The following MLYCD variants were observed in gnomAD, a reference collection of about 807,000 sequenced individuals.
MLYCD encodes the protein malonyl-CoA decarboxylase, mitochondrial.
A neutral mutation model predicts 35.8 loss-of-function variants in MLYCD; 27 were observed. That is an observed-to-expected ratio of 0.75 (90% CI 0.56 to 1.04). The LOEUF is 1.04. Among genes scored for constraint, MLYCD ranks in the 50% least tolerant of loss-of-function variants. The pLI is 0.00. For missense variants in MLYCD, 917 were observed against 665.1 expected, an observed-to-expected ratio of 1.38 and a Z score of -4.17; for synonymous variants, 403 against 302.4, an observed-to-expected ratio of 1.33 and a Z score of -3.45.
At position 83,908,114 on chromosome 16, in the gene MLYCD, A is replaced by G; in HGVS notation, c.642-12A>G. ...ATGCATTTGTCTTGTCTCTTTATAA[A>G]TTCCGCCCCAGGGCTGAGGCTGTGC... is the stretch of plus-strand genomic sequence containing the variant. On this transcript the variant is annotated splice_polypyrimidine_tract_variant and intron_variant, in intron 2 of 4. Coordinates refer to ENST00000262430, the MANE Select transcript of MLYCD (RefSeq NM_012213.3). 7 of 1,614,086 alleles carry G rather than the reference A, an allele frequency of 4.3e-6. No homozygotes were observed. The highest frequency in any genetic ancestry group is 5.9e-6 in the Non-Finnish European group (7 of 1,180,002).
At chr16:83,903,327 A>G (rs1040385257) in intron 1 of MLYCD, among the ~76,000 whole-genome samples, 1 of 152,172 alleles carries the variant, frequency 6.6e-6, no homozygotes, top group African/African-American at 2.4e-5. Flanking sequence ...GTTCTAGTAA[A>G]TTCTGTGCTT....
At position 83,917,050 on chromosome 16, in the gene MLYCD, CTGTGTGGATCAGTGCA is replaced by C. The variant is rs1907433817; in HGVS notation, c.*1562_*1577del. The C allele has an allele frequency of 6.1e-5, 6 of 97,978 alleles. 1 individual carries two copies. Among genetic ancestry groups the C allele is most frequent in the Admixed American group, 5.6e-4 (5 of 8,976 alleles). The allele number at this position is 97,978 out of a possible 1,614,324, so 6.1% of individuals were successfully genotyped here. On this transcript the variant is annotated 3_prime_UTR_variant, in exon 5 of 5. Coordinates refer to ENST00000262430, the MANE Select transcript of MLYCD (RefSeq NM_012213.3). ...TCTGTGTGCGTGTGCACAAGCGTCTCTGTGTGGATCAGTGCACGTCTGTGTGCGTGTGCACGAGCGT... is the reference window on the plus strand; with the variant it reads ...TCTGTGTGCGTGTGCACAAGCGTCTCCGTCTGTGTGCGTGTGCACGAGCGT...
chr16:83,914,889 G>C (rs1005526527), intron 4 of MLYCD, 67 bp from the exon 5 acceptor site: 1 of 1,608,014 alleles, frequency 6.2e-7, no homozygotes, highest in Non-Finnish European at 8.5e-7. Context: ...GTGCTCCTCT[G>C]TTGGTAACGT....
intron 3 of MLYCD, among the ~76,000 whole-genome samples, chr16:83,909,363 C>G (rs60467356): frequency 0.073 from 11,051 of 152,184 alleles, 480 homozygotes; most frequent in East Asian, 0.11. Context: ...CAGGAGGGCG[C>G]TGTAGACACA....
At position 83,899,299 on chromosome 16, in the gene MLYCD, C is replaced by T; in HGVS notation, c.155C>T (p.Pro52Leu). ...ELLRRAVPPT[P>L]AYELREKTPA... ...CTGCGCCGCGCGGTGCCGCCGACGC[C>T]GGCCTACGAGCTGCGCGAGAAGACA... Residue 52 changes from proline (P) to leucine (L), a missense_variant, in exon 1 of 5, where the codon CCG becomes CTG. By Grantham distance (98) the Pro-to-Leu change is moderately conservative. Transcript: ENST00000262430. 1 of 1,482,844 alleles carries T rather than the reference C, an allele frequency of 6.7e-7. No homozygotes were observed. Among genetic ancestry groups the T allele is most frequent in the Admixed American group, 2.2e-5 (1 of 44,666 alleles). 91.9% of individuals were successfully genotyped at this position (1,482,844 alleles called of 1,614,324 possible). A position where few individuals can be genotyped will look rare whatever the true frequency, so the allele number is the denominator to read the frequency against.
Position 83,918,474 on chromosome 16 carries a change from ACACACAG to A in MLYCD, c.*2986_*2992del. 1 of 130,602 alleles carries A rather than the reference ACACACAG, an allele frequency of 7.7e-6. No homozygotes were observed. Among genetic ancestry groups the A allele is most frequent in the Middle Eastern group, 3.8e-3 (1 of 260 alleles). 8.1% of individuals were successfully genotyped at this position (130,602 alleles called of 1,614,324 possible). On this transcript the variant is annotated 3_prime_UTR_variant, in exon 5 of 5. Transcript: ENST00000262430. ...ACGCACACACGGTGCACAGGAGAAC[ACACACAG>A]TGCACAGGAGAACACGCACAGTGCA...
Position 83,923,780 on chromosome 16 carries a change from C to G in MLYCD, c.*8291C>G, listed in dbSNP as rs980188954. The G allele has an allele frequency of 1.3e-5, 2 of 152,406 alleles. No homozygotes were observed. Among genetic ancestry groups the G allele is most frequent in the African/African-American group, 4.8e-5 (2 of 41,476 alleles). The allele number at this position is 152,406 out of a possible 1,614,324, so 9.4% of individuals were successfully genotyped here. On this transcript the variant is annotated 3_prime_UTR_variant, in exon 5 of 5. Transcript: ENST00000262430. ...TCCTTCCACCGCACTGGTCCACCTC[C>G]TGACCGTACGTGGGGAGACCCACGC...
chr16:83,905,140 T>C (rs1353920504), intron 1 of MLYCD, among the ~76,000 whole-genome samples: 1 of 152,072 alleles, frequency 6.6e-6, no homozygotes, highest in Non-Finnish European at 1.5e-5. Context: ...GGAGAATCGC[T>C]TGAACCTAGG....
rs942847641 is a variant in MLYCD at position 83,924,014 on chromosome 16, T to G, written c.*8525T>G. The G allele has an allele frequency of 6.6e-6, 1 of 152,196 alleles. No homozygotes were observed. The highest frequency in any genetic ancestry group is 2.4e-5 in the African/African-American group (1 of 41,412). 9.4% of individuals were successfully genotyped at this position (152,196 alleles called of 1,614,324 possible). A position where few individuals can be genotyped will look rare whatever the true frequency, so the allele number is the denominator to read the frequency against. On this transcript the variant is annotated 3_prime_UTR_variant, in exon 5 of 5. Transcript: ENST00000262430. Reference sequence around the variant, plus strand: ...GGGTGGCTTCTCTCAAACCCGGGCATGCACAGTGCTGGCCGTATCGGTCCG... The same window carrying G: ...GGGTGGCTTCTCTCAAACCCGGGCAGGCACAGTGCTGGCCGTATCGGTCCG...
rs768903353 is a variant in MLYCD, at chr16:83,899,637, C to A, written c.493C>A (p.Gln165Lys). The change falls in exon 1 of 5, where the codon CAG becomes AAG. Residue 165 changes from glutamine to lysine, a missense_variant. Coordinates refer to ENST00000262430, the MANE Select transcript of MLYCD (RefSeq NM_012213.3). ...GCTGCGGGCCGACCTGCTGGAGGCG[C>A]AGGCCCTCAAGCTGGTGGAGGGGCC... is the stretch of plus-strand genomic sequence containing the variant. Reference protein sequence around the residue: ...VQLRADLLEAQALKLVEGPDV... With the variant: ...VQLRADLLEAKALKLVEGPDV... 5.1e-6 allele frequency: 8 copies of A among 1,555,564 alleles called. No individual in the cohort carries two copies. In the African/African-American group the frequency reaches 1.1e-4, roughly 21 times the overall value.
rs988361708 is a variant in MLYCD at position 83,924,329 on chromosome 16, T to G, written c.*8840T>G. The G allele has an allele frequency of 2.6e-5, 4 of 152,208 alleles. No homozygotes were observed. The highest frequency in any genetic ancestry group is 4.4e-5 in the Non-Finnish European group (3 of 68,102). 9.4% of individuals were successfully genotyped at this position (152,208 alleles called of 1,614,324 possible). A position where few individuals can be genotyped will look rare whatever the true frequency, so the allele number is the denominator to read the frequency against. ...CTCCGGAGCAGTTGAGTAGAACAGC[T>G]GGCGTCACCTCTTCATGTTGACGAG... On this transcript the variant is annotated 3_prime_UTR_variant, in exon 5 of 5. Transcript: ENST00000262430.
rs1258241446 is a variant in MLYCD at position 83,921,081 on chromosome 16, ATGGT to A, written c.*5596_*5599del. The A allele has an allele frequency of 6.0e-5, 9 of 149,804 alleles. No individual in the cohort carries two copies. The highest frequency in any genetic ancestry group is 4.3e-4 in the South Asian group (2 of 4,672). 9.3% of individuals were successfully genotyped at this position (149,804 alleles called of 1,614,324 possible). A position where few individuals can be genotyped will look rare whatever the true frequency, so the allele number is the denominator to read the frequency against. The stretch of plus-strand genomic sequence containing the variant: ...GGCTGGGTGGGTGGAAGGAAGGAAG[ATGGT>A]TGGATGGATGGAAGATGGATGGATG... On this transcript the variant is annotated 3_prime_UTR_variant, in exon 5 of 5. Coordinates refer to ENST00000262430, the MANE Select transcript of MLYCD (RefSeq NM_012213.3).
Position 83,899,600 on chromosome 16 carries a change from C to T in MLYCD, c.456C>T (p.Arg152=). ...HHISKLDGGV[R]FLVQLRADLL... ...TCAGCAAGCTGGACGGCGGCGTGCGCTTCCTGGTGCAGCTGCGGGCCGACC... is the reference window on the plus strand; with the variant it reads ...TCAGCAAGCTGGACGGCGGCGTGCGTTTCCTGGTGCAGCTGCGGGCCGACC... The change falls in exon 1 of 5, where the codon CGC becomes CGT. Residue 152 remains arginine, a synonymous_variant. Transcript: ENST00000262430. 1 of 1,585,594 alleles carries T rather than the reference C, an allele frequency of 6.3e-7. No homozygotes were observed. Among genetic ancestry groups the T allele is most frequent in the Non-Finnish European group, 8.5e-7 (1 of 1,174,356 alleles).
chr16:83,899,739 C>T (rs868805371), intron 1 of MLYCD, 67 bp downstream of exon 1: 8 of 1,439,046 alleles, frequency 5.6e-6, no homozygotes, highest in Non-Finnish European at 7.3e-6. Context: ...TCCTCACTTG[C>T]CCCCTCCAAG....
At position 83,902,753 on chromosome 16, in the gene MLYCD, G is replaced by A. The variant is rs540911590; in HGVS notation, c.528+3081G>A. On this transcript the variant is annotated intron_variant, in intron 1 of 4. Coordinates refer to ENST00000262430, the MANE Select transcript of MLYCD (RefSeq NM_012213.3). ...ACTCCTGACCTCAGATGATCCGCCC[G>A]CCTTGGCCTTCCAAAGTGCTGGAAT... 5.0e-3 allele frequency among the ~76,000 whole-genome samples: 768 copies of A among 152,244 alleles called. 1 individual carries two copies. Among genetic ancestry groups the A allele is most frequent in the African/African-American group, 0.017 (727 of 41,548 alleles).
intron 2 of MLYCD, 59 bp from the exon 3 acceptor site, chr16:83,908,067 C>G: frequency 6.2e-7 from 1 of 1,601,124 alleles, no homozygotes. Context: ...GAATAGGAGT[C>G]AGCAGCCGTT....
intron 4 of MLYCD, chr16:83,914,530 T>A: frequency 3.4e-6 from 1 of 292,572 alleles, no homozygotes; most frequent in Non-Finnish European, 6.6e-6. Flanking sequence ...AGTCTCGGTT[T>A]TGCCGACATG....
intron 1 of MLYCD, among the ~76,000 whole-genome samples, chr16:83,904,297 A>G (rs185086360): frequency 1.2e-3 from 177 of 152,234 alleles, no homozygotes; most frequent in Non-Finnish European, 2.0e-3. Flanking sequence ...TGGTCCATAG[A>G]TAAGTATCAG....
rs563451684 is a variant in MLYCD, at chr16:83,917,179, C to G, written c.*1690C>G. 4.0e-3 allele frequency: 553 copies of G among 136,824 alleles called. 9 individuals are homozygous for G. The highest frequency in any genetic ancestry group is 5.3e-3 in the Non-Finnish European group (346 of 65,160). 8.5% of individuals were successfully genotyped at this position (136,824 alleles called of 1,614,324 possible). A position where few individuals can be genotyped will look rare whatever the true frequency, so the allele number is the denominator to read the frequency against. On this transcript the variant is annotated 3_prime_UTR_variant, in exon 5 of 5. Transcript: ENST00000262430. The stretch of plus-strand genomic sequence containing the variant: ...CCTGTGTGCGTGTGCACGAGCGTCT[C>G]TGTGTGTGTCAGTGCACGTCTGTGT...
Sources: allele counts gnomAD v4.1 joint callset (sites outside exome capture counted in the v4.1 genomes callset), GRCh38; gene constraint gnomAD v4.1.1; transcripts MANE v1.5; gene names NCBI Gene and HGNC (gene_info 2026-07-23, HGNC 2026-07-21).